GLP1R: variants seen among roughly 807,000 people sequenced by gnomAD.
The protein encoded by GLP1R is glucagon-like peptide 1 receptor.
GLP1R carries 32 observed loss-of-function variants against 68.4 expected under a neutral mutation model. The ratio of observed to expected loss-of-function variants is 0.47; its 90% CI spans 0.35 to 0.63. The LOEUF is 0.63. Among genes scored for constraint, GLP1R ranks in the 20% least tolerant of loss-of-function variants. The probability of loss-of-function intolerance (pLI) is 0.00; values close to 1 mark genes in which losing one functional copy is unlikely to be tolerated. For missense variants in GLP1R, 502 were observed against 594.9 expected, an observed-to-expected ratio of 0.84 and a Z score of 1.62; for synonymous variants, 263 against 244.4, an observed-to-expected ratio of 1.08 and a Z score of -0.71.
At chr6:39,055,914 G>C (rs752025517) in intron 1 of GLP1R, among the ~76,000 whole-genome samples, 4 of 152,076 alleles carry the variant, frequency 2.6e-5, no homozygotes, top group African/African-American at 7.2e-5. Context: ...CTGCTTCCTG[G>C]GGGGGCTGTG....
In GLP1R at chr6:39,086,077, T is replaced by G. The variant is rs200421101; in HGVS notation, c.*4T>G. On this transcript the variant is annotated 3_prime_UTR_variant, in exon 13 of 13. Transcript: ENST00000373256. The surrounding 1 kb of genome is among the most constrained non-coding windows in gnomAD (Gnocchi z 4.5). The stretch of plus-strand genomic sequence containing the variant: ...TTGCCAGGCCTCCTGCAGCTGAGAC[T>G]CCAGCGCCTGCCCTCCCTGGGGTCC... 3 of 1,612,832 alleles carry G rather than the reference T, an allele frequency of 1.9e-6. No homozygotes were observed. The highest frequency in any genetic ancestry group is 1.7e-4 in the Middle Eastern group (1 of 5,838).
intron 7 of GLP1R, among the ~76,000 whole-genome samples, chr6:39,077,676 G>A (rs1331509426): frequency 6.6e-6 from 1 of 151,660 alleles, no homozygotes; most frequent in African/African-American, 2.4e-5. Flanking sequence ...GGATCCCTAG[G>A]GGCCATCTTA....
chr6:39,086,253 G>T lies in GLP1R; in HGVS notation c.*180G>T. 1 of 564,512 alleles carries T rather than the reference G, an allele frequency of 1.8e-6. No individual in the cohort carries two copies. 35.0% of individuals were successfully genotyped at this position (564,512 alleles called of 1,614,324 possible). ...AACCCATCAGACAGGTAAATGGGCA[G>T]TGCCTCCTGGGACCATGGACACATT... is the stretch of plus-strand genomic sequence containing the variant. On this transcript the variant is annotated 3_prime_UTR_variant, in exon 13 of 13. Coordinates refer to ENST00000373256, the MANE Select transcript of GLP1R (RefSeq NM_002062.5). The surrounding 1 kb of genome is among the most constrained non-coding windows in gnomAD (Gnocchi z 4.5).
At chr6:39,050,192 T>C (rs9462472) in intron 1 of GLP1R, among the ~76,000 whole-genome samples, 118,941 of 152,010 alleles carry the variant, frequency 0.78, 46,775 homozygotes, top group Middle Eastern at 0.82. Flanking sequence ...GACACCTTCC[T>C]CACAGCGCCC....
intron 5 of GLP1R, among the ~76,000 whole-genome samples, chr6:39,071,345 C>CAAAAAA (rs35740935): frequency 1.3e-4 from 11 of 85,840 alleles, no homozygotes; most frequent in Admixed American, 4.0e-4. Flanking sequence ...GATTCCATCT[C>CAAAAAA]AAAAAAAAAA....
intron 3 of GLP1R, among the ~76,000 whole-genome samples, chr6:39,060,554 C>T (rs1315822619): frequency 6.6e-6 from 1 of 152,208 alleles, no homozygotes; most frequent in Non-Finnish European, 1.5e-5. Flanking sequence ...CCCAGCAGGG[C>T]TGTGGCCACA....
At chr6:39,085,868 G>A (rs377637165) in intron 12 of GLP1R, 38 bp from the exon 13 acceptor site, 27 of 1,605,016 alleles carry the variant, frequency 1.7e-5, no homozygotes, top group Non-Finnish European at 2.2e-5. Flanking sequence ...CCATTGGTTT[G>A]CATGATGGCT....
intron 2 of GLP1R, 116 bp downstream of exon 2, chr6:39,056,609 C>T (rs1768220949): frequency 5.0e-6 from 3 of 601,772 alleles, no homozygotes; most frequent in South Asian, 4.1e-5. Context: ...GATGCCACCC[C>T]TGCCCTCTGC....
chr6:39,086,198 C>CACAT lies in GLP1R; in HGVS notation c.*128_*129insTACA. ...ACACACACACACACACACACACACA[C>CACAT]ACACACATACATCCTGCTTTCCCTC... On this transcript the variant is annotated 3_prime_UTR_variant, in exon 13 of 13. Coordinates refer to ENST00000373256, the MANE Select transcript of GLP1R (RefSeq NM_002062.5). The surrounding 1 kb of genome is among the most constrained non-coding windows in gnomAD (Gnocchi z 4.5). 1 of 574,022 alleles carries CACAT rather than the reference C, an allele frequency of 1.7e-6. No individual in the cohort carries two copies. 35.6% of individuals were successfully genotyped at this position (574,022 alleles called of 1,614,324 possible).
chr6:39,080,624 T>C (rs1768980130), intron 11 of GLP1R, 74 bp from the exon 12 acceptor site: 3 of 982,234 alleles, frequency 3.1e-6, no homozygotes, highest in African/African-American at 3.3e-5. Context: ...AGTCCCAAAG[T>C]GCTTCCGACC....
In GLP1R at chr6:39,088,452, C is replaced by T. The variant is rs1769204142; in HGVS notation, c.*2379C>T. On this transcript the variant is annotated 3_prime_UTR_variant, in exon 13 of 13. Transcript: ENST00000373256. ...CATGCCTGATGCCTAATGCCATACGCCTGGAACTTGCTGAGAACTCTCGGC... is the reference window on the plus strand; with the variant it reads ...CATGCCTGATGCCTAATGCCATACGTCTGGAACTTGCTGAGAACTCTCGGC... Among the ~76,000 whole-genome samples, 1 of 152,176 alleles carries T rather than the reference C, an allele frequency of 6.6e-6. No homozygotes were observed.
At chr6:39,052,759 G>T (rs956838465) in intron 1 of GLP1R, among the ~76,000 whole-genome samples, 3 of 152,186 alleles carry the variant, frequency 2.0e-5, no homozygotes, top group Non-Finnish European at 4.4e-5. Context: ...TGTTGGATCT[G>T]TGCAGTTTGA....
At chr6:39,056,686 T>C (rs867525756) in intron 2 of GLP1R, among the ~76,000 whole-genome samples, 193 bp downstream of exon 2, 3 of 152,248 alleles carry the variant, frequency 2.0e-5, no homozygotes, top group Non-Finnish European at 2.9e-5. Flanking sequence ...AAAATCTTCC[T>C]TTTCTTCAAA....
intron 3 of GLP1R, among the ~76,000 whole-genome samples, chr6:39,059,672 CCCA>C (rs1208666373): frequency 6.6e-6 from 1 of 152,100 alleles, no homozygotes; most frequent in Non-Finnish European, 1.5e-5. Context: ...GTTAATTTTT[CCCA>C]CCTCCCTACA....
At chr6:39,071,331 G>A (rs1315930752) in intron 5 of GLP1R, among the ~76,000 whole-genome samples, 8 of 113,086 alleles carry the variant, frequency 7.1e-5, no homozygotes, top group Non-Finnish European at 9.9e-5. Flanking sequence ...GGGCGACAGA[G>A]CAAGATTCCA....
chr6:39,083,831 C>T (rs142532268), intron 12 of GLP1R, among the ~76,000 whole-genome samples: 41 of 152,238 alleles, frequency 2.7e-4, no homozygotes, highest in African/African-American at 9.9e-4. Flanking sequence ...TAAGTCCCAG[C>T]CCAGGTGCTC....
At chr6:39,062,661 G>C (rs1768380928) in intron 3 of GLP1R, among the ~76,000 whole-genome samples, 1 of 152,230 alleles carries the variant, frequency 6.6e-6, no homozygotes, top group Non-Finnish European at 1.5e-5. Context: ...CCCAGAGGAA[G>C]GGCAGAGGAG....
chr6:39,056,146 C>T, intron 1 of GLP1R, among the ~76,000 whole-genome samples: 1 of 152,180 alleles, frequency 6.6e-6, no homozygotes. Context: ...ATCAATTTAG[C>T]AGACATTTGC....
At chr6:39,078,267 ACTGTGGCTCTGGC>A in intron 7 of GLP1R, 42 bp from the exon 8 acceptor site, 2 of 1,287,044 alleles carry the variant, frequency 1.6e-6, no homozygotes, top group Non-Finnish European at 2.3e-6. Flanking sequence ...CGGCATGTAG[ACTGTGGCTCTGGC>A]CTGCCAGCCC....
Sources: gnomAD v4.1 joint callset for allele counts (sites outside exome capture counted in the v4.1 genomes callset) on GRCh38, gnomAD v4.1.1 for gene constraint, Gnocchi (gnomAD v3.1) non-coding constraint, MANE v1.5 for transcripts, NCBI Gene and HGNC (gene_info 2026-07-23, HGNC 2026-07-21) for gene names.